CLIC5: variants seen among roughly 807,000 people sequenced by gnomAD.
CLIC5 encodes the protein chloride intracellular channel protein 5.
A neutral mutation model predicts 24.7 loss-of-function variants in CLIC5; 20 were observed. The observed-to-expected ratio is 0.81, with a 90% confidence interval of 0.57 to 1.18. CLIC5 has a LOEUF of 1.18. CLIC5 is among the 50% of genes most tolerant of loss of function. The pLI, the probability that CLIC5 is intolerant of heterozygous loss-of-function variation, is 0.00. For synonymous variants in CLIC5, 159 were observed against 135.6 expected (o/e 1.17, Z -1.20); for missense variants, 341 against 326.1 (o/e 1.05, Z -0.35).
intron 4 of CLIC5, among the ~76,000 whole-genome samples, chr6:45,917,358 T>G (rs1387953379): frequency 6.6e-6 from 1 of 152,206 alleles, no homozygotes; most frequent in African/African-American, 2.4e-5. Flanking sequence ...GCTATTGCCT[T>G]ACCAAACGTG....
intron 1 of CLIC5, chr6:46,079,687 C>T: frequency 6.5e-7 from 1 of 1,542,964 alleles, no homozygotes; most frequent in Non-Finnish European, 8.8e-7. Context: ...GTATGCCTGT[C>T]AGAGGCAGAC....
At chr6:45,925,475 C>T (rs1763447926) in intron 4 of CLIC5, among the ~76,000 whole-genome samples, 1 of 152,112 alleles carries the variant, frequency 6.6e-6, no homozygotes, top group Admixed American at 6.5e-5. Flanking sequence ...TGCCACCACG[C>T]CTGGCTAATT....
chr6:45,926,243 AT>A (rs775765502), intron 4 of CLIC5, among the ~76,000 whole-genome samples: 30,247 of 139,432 alleles, frequency 0.22, 3,494 homozygotes, highest in East Asian at 0.39. Context: ...ATATATATAT[AT>A]TTTATTTTTT....
intron 3 of CLIC5, among the ~76,000 whole-genome samples, chr6:45,942,537 TCG>T (rs1230040480): frequency 1.3e-5 from 2 of 152,222 alleles, no homozygotes; most frequent in Non-Finnish European, 2.9e-5. Context: ...TGGGAGACAG[TCG>T]CCAGGCTATC....
downstream of CLIC5, among the ~76,000 whole-genome samples, chr6:45,896,621 G>A (rs922592511): frequency 3.9e-5 from 6 of 152,184 alleles, no homozygotes; most frequent in African/African-American, 1.4e-4. Context: ...AATAAAAGCA[G>A]CATAGGTCAC....
rs559334347 is a variant in CLIC5 at position 45,971,767 on chromosome 6, A to G, written c.64-16523T>C. ...GACAGAATGTAAGCATTATTTGGTG[A>G]TGACATGTTTTATTTATAAAGTCAA... On this transcript the variant is annotated intron_variant, in intron 1 of 5. Transcript: ENST00000339561. Among the ~76,000 whole-genome samples, 3 of 152,352 alleles carry G rather than the reference A, an allele frequency of 2.0e-5. No individual in the cohort carries two copies. In the South Asian group the frequency reaches 6.2e-4, roughly 32 times the overall value.
chr6:45,897,818 T>A (rs796434581), downstream of CLIC5, among the ~76,000 whole-genome samples: 1 of 152,084 alleles, frequency 6.6e-6, no homozygotes, highest in East Asian at 1.9e-4. Context: ...AGAAGAATGA[T>A]ATTTTAAGGA....
At chr6:46,006,779 G>A (rs1202420703) in intron 1 of CLIC5, among the ~76,000 whole-genome samples, 3 of 150,902 alleles carry the variant, frequency 2.0e-5, no homozygotes, top group East Asian at 2.0e-4. Flanking sequence ...GGGTTCAAGC[G>A]ATTCCCCTGC....
intron 1 of CLIC5, among the ~76,000 whole-genome samples, chr6:45,985,305 C>T (rs1175040833): frequency 6.6e-6 from 1 of 152,108 alleles, no homozygotes; most frequent in Non-Finnish European, 1.5e-5. Context: ...ATTCATTCTA[C>T]CTTCAGGGTT....
At chr6:46,093,686 T>C in the CLIC5 span, among the ~76,000 whole-genome samples, 9 of 152,226 alleles carry the variant, frequency 5.9e-5, no homozygotes, top group Admixed American at 5.9e-4. Flanking sequence ...GAATGTAAGA[T>C]AATATGACTA....
chr6:46,001,936 T>C (rs1766377187), intron 1 of CLIC5, among the ~76,000 whole-genome samples: 2 of 152,218 alleles, frequency 1.3e-5, no homozygotes, highest in African/African-American at 4.8e-5. Context: ...TCCCTGATCC[T>C]GCTACCCTTG....
intron 1 of CLIC5, among the ~76,000 whole-genome samples, chr6:45,976,869 A>G (rs771955564): frequency 3.8e-4 from 58 of 152,310 alleles, no homozygotes; most frequent in Non-Finnish European, 7.1e-4. Context: ...TAACAACAAC[A>G]AAAGGGATAT....
At chr6:45,951,778 G>A (rs76820035) in intron 2 of CLIC5, among the ~76,000 whole-genome samples, 11,056 of 152,098 alleles carry the variant, frequency 0.073, 397 homozygotes, top group Non-Finnish European at 0.086. Flanking sequence ...TGTAAAAAAA[G>A]TAAACAGTGG....
intron 1 of CLIC5, among the ~76,000 whole-genome samples, chr6:45,975,329 C>T (rs1309973998): frequency 2.6e-5 from 4 of 152,188 alleles, no homozygotes; most frequent in African/African-American, 9.6e-5. Flanking sequence ...GAAAGAAAGA[C>T]TTTTAATGAA....
intron 4 of CLIC5, among the ~76,000 whole-genome samples, chr6:45,940,821 C>T (rs1201815969): frequency 6.6e-6 from 1 of 152,210 alleles, no homozygotes; most frequent in Non-Finnish European, 1.5e-5. Flanking sequence ...AAGTGTTATA[C>T]CTGCTTAATT....
At position 45,960,670 on chromosome 6, in the gene CLIC5, ATGGCCAGTGTGTCCACACAGCT is replaced by A. The variant is rs535882283; in HGVS notation, c.64-5448_64-5427del. 8.5e-5 allele frequency among the ~76,000 whole-genome samples: 13 copies of A among 152,316 alleles called. No homozygotes were observed. In the East Asian group the frequency reaches 2.5e-3, roughly 29 times the overall value. On this transcript the variant is annotated intron_variant, in intron 1 of 5. Coordinates refer to ENST00000339561, the MANE Select transcript of CLIC5 (RefSeq NM_016929.5). Reference sequence around the variant, plus strand: ...CATTAAGCCTATGTCCAGCCGGCCTATGGCCAGTGTGTCCACACAGCTTGGTCACCCCCTTTGCAAGCCCCAC... The same window carrying A: ...CATTAAGCCTATGTCCAGCCGGCCTATGGTCACCCCCTTTGCAAGCCCCAC...
chr6:46,009,529 C>A (rs182126631), intron 1 of CLIC5, among the ~76,000 whole-genome samples: 73 of 152,276 alleles, frequency 4.8e-4, no homozygotes, highest in Non-Finnish European at 9.1e-4. Context: ...TCTTTACTAT[C>A]TCTAGTTCCT....
intron 1 of CLIC5, among the ~76,000 whole-genome samples, chr6:45,961,110 C>G (rs1764829162): frequency 2.0e-5 from 3 of 152,152 alleles, no homozygotes; most frequent in Admixed American, 2.0e-4. Context: ...TGACCTTTGA[C>G]TTCTTTAAAA....
intron 1 of CLIC5, among the ~76,000 whole-genome samples, chr6:45,997,434 G>A (rs1485155584): frequency 6.7e-6 from 1 of 150,182 alleles, no homozygotes; most frequent in African/African-American, 2.5e-5. Flanking sequence ...CAGCGCACCA[G>A]CATGGCACAT....
Sources: allele counts gnomAD v4.1 joint callset (sites outside exome capture counted in the v4.1 genomes callset), GRCh38; gene constraint gnomAD v4.1.1; transcripts MANE v1.5; gene names NCBI Gene and HGNC (gene_info 2026-07-23, HGNC 2026-07-21).